The following AK8 variants were observed in gnomAD, a reference collection of about 807,000 sequenced individuals.
AK8 encodes adenylate kinase 8.
Under a neutral mutation model 54.6 loss-of-function variants are expected in AK8, and 44 were observed. The observed-to-expected ratio is 0.81, with a 90% CI of 0.63 to 1.04. The LOEUF (loss-of-function observed/expected upper bound fraction) is 1.04, where lower values mean the gene tolerates loss of function less well. AK8 is among the 50% of genes least tolerant of loss of function. AK8 has a pLI of 0.00. For synonymous variants in AK8, 239 were observed against 245.6 expected (o/e 0.97, Z 0.25); for missense variants, 555 against 613.6 (o/e 0.90, Z 1.01).
chr9:132,845,251 TCA>T (rs1329243362), intron 5 of AK8, among the ~76,000 whole-genome samples: 1 of 152,212 alleles, frequency 6.6e-6, no homozygotes, highest in Admixed American at 6.5e-5. Context: ...TTATAAATAC[TCA>T]GTCAATATAT....
intron 11 of AK8, among the ~76,000 whole-genome samples, chr9:132,753,555 C>A (rs1049530658): frequency 2.6e-5 from 4 of 152,234 alleles, no homozygotes; most frequent in Non-Finnish European, 5.9e-5. Context: ...CTGGACTAAT[C>A]CCCAGGTACT....
chr9:132,766,170 G>A (rs1418290391), intron 11 of AK8, among the ~76,000 whole-genome samples: 3 of 152,208 alleles, frequency 2.0e-5, no homozygotes, highest in African/African-American at 7.2e-5. Flanking sequence ...GGAGTGCAGT[G>A]GTGTGATCAT....
chr9:132,863,732 TC>T lies in AK8; in HGVS notation c.265del (p.Glu89ArgfsTer3). On this transcript the variant is annotated frameshift_variant, in exon 4 of 13. Transcript: ENST00000298545. LOFTEE classifies it high-confidence loss of function. ...KHLNSSLLTL[E>X]NLILNEFSYT... ...GGAAAACTCATTTAAGATCAGGTTC[TC>T]CAGGGTGAGGAGACTGCTGTTCAGA... 6.2e-7 allele frequency: 1 copy of T among 1,614,164 alleles called. No individual in the cohort carries two copies. The highest frequency in any genetic ancestry group is 1.1e-5 in the South Asian group (1 of 91,078).
chr9:132,856,387 G>C (rs899937141), intron 4 of AK8, among the ~76,000 whole-genome samples: 2 of 152,290 alleles, frequency 1.3e-5, no homozygotes, highest in African/African-American at 4.8e-5. Flanking sequence ...ACCTCTTTAG[G>C]CCTCACACAC....
At chr9:132,828,813 G>C (rs1841987349) in intron 5 of AK8, 87 bp from the exon 6 acceptor site, 32 of 1,042,190 alleles carry the variant, frequency 3.1e-5, no homozygotes, top group Non-Finnish European at 4.2e-5. Flanking sequence ...TAGCTTTATA[G>C]AAAGACTAGA....
chr9:132,853,799 A>AAAAAG (rs1382485302), intron 5 of AK8, among the ~76,000 whole-genome samples: 1 of 151,126 alleles, frequency 6.6e-6, no homozygotes, highest in Non-Finnish European at 1.5e-5. Flanking sequence ...AAAAAAAAAA[A>AAAAAG]AAAAAAAAAG....
chr9:132,819,636 A>G (rs1490373061), intron 9 of AK8, among the ~76,000 whole-genome samples: 1 of 152,222 alleles, frequency 6.6e-6, no homozygotes, highest in Non-Finnish European at 1.5e-5. Context: ...ACATAGACGA[A>G]TTTCAAAATT....
Position 132,725,858 on chromosome 9 carries a change from C to T in AK8, c.1270G>A (p.Asp424Asn), listed in dbSNP as rs752879236. 6.2e-7 allele frequency: 1 copy of T among 1,610,578 alleles called. No homozygotes were observed. Among genetic ancestry groups the T allele is most frequent in the Non-Finnish European group, 8.5e-7 (1 of 1,179,008 alleles). The change falls in exon 13 of 13, where the codon GAT (aspartate) becomes AAT (asparagine). Residue 424 changes from aspartate to asparagine, a missense_variant. Physicochemically the swap from Asp to Asn is conservative, Grantham distance 23. Transcript: ENST00000298545. ...TTCAGCTTGACCTGCTCTTCAGCAT[C>T]CTTTGGGTTCTGCAGGAGGCGAGCC... ...IQARLLQNPK[D>N]AEEQVKLKMD...
intron 11 of AK8, among the ~76,000 whole-genome samples, chr9:132,751,521 G>A (rs1346622176): frequency 3.4e-5 from 5 of 148,628 alleles, no homozygotes; most frequent in African/African-American, 1.2e-4. Flanking sequence ...CTCTAGCCAC[G>A]ATGACAGAGT....
intron 2 of AK8, among the ~76,000 whole-genome samples, chr9:132,871,601 C>CT (rs1469004759): frequency 1.3e-5 from 2 of 151,924 alleles, no homozygotes; most frequent in African/African-American, 4.9e-5. Context: ...GGAGGACAGA[C>CT]CCCCCCGGCT....
intron 6 of AK8, 150 bp from the exon 7 acceptor site, chr9:132,828,234 T>A: frequency 1.4e-6 from 1 of 708,650 alleles, no homozygotes; most frequent in Non-Finnish European, 2.3e-6. Context: ...CGTGAATTCC[T>A]AAGAGAAAGG....
At chr9:132,738,875 C>T (rs1837239591) in intron 11 of AK8, among the ~76,000 whole-genome samples, 1 of 150,332 alleles carries the variant, frequency 6.7e-6, no homozygotes, top group Non-Finnish European at 1.5e-5. Flanking sequence ...CCATTTCAGT[C>T]CCCCAAGTAG....
intron 11 of AK8, among the ~76,000 whole-genome samples, chr9:132,728,234 G>A (rs1393711744): frequency 6.6e-6 from 1 of 152,218 alleles, no homozygotes; most frequent in Non-Finnish European, 1.5e-5. Flanking sequence ...GGACAGATGC[G>A]GGACAGCAGG....
At chr9:132,867,635 G>C (rs1045721880) in intron 2 of AK8, among the ~76,000 whole-genome samples, 2 of 152,226 alleles carry the variant, frequency 1.3e-5, no homozygotes, top group African/African-American at 4.8e-5. Context: ...AGCTCTGGTG[G>C]CAGGCCCAGG....
At position 132,828,053 on chromosome 9, in the gene AK8, G is replaced by A. The variant is rs749386096; in HGVS notation, c.516C>T (p.Ile172=). Residue 172 remains isoleucine (I), a synonymous_variant, in exon 7 of 13, where the codon ATC becomes ATT. Coordinates refer to ENST00000298545, the MANE Select transcript of AK8 (RefSeq NM_152572.3). ...CGATTCTCTTCCCCAAGTTTCTCTC[G>A]ATCAGGACCGTGTCTGGAGCACTCA... ...IVLSAPDTVL[I]ERNLGKRIDP... The A allele has an allele frequency of 6.4e-6, 10 of 1,573,094 alleles. No homozygotes were observed. Among genetic ancestry groups the A allele is most frequent in the East Asian group, 2.3e-5 (1 of 43,138 alleles).
intron 10 of AK8, among the ~76,000 whole-genome samples, chr9:132,795,924 C>A (rs1209866687): frequency 6.6e-6 from 1 of 152,122 alleles, no homozygotes; most frequent in Non-Finnish European, 1.5e-5. Flanking sequence ...CATTGTTTAG[C>A]GGTGAGAATT....
intron 10 of AK8, among the ~76,000 whole-genome samples, chr9:132,795,821 T>C (rs1840146707): frequency 6.6e-6 from 1 of 152,176 alleles, no homozygotes; most frequent in South Asian, 2.1e-4. Flanking sequence ...AGGCTGATGG[T>C]TTGACCGGGC....
intron 11 of AK8, among the ~76,000 whole-genome samples, chr9:132,736,251 A>G (rs756266351): frequency 1.3e-5 from 2 of 150,890 alleles, no homozygotes; most frequent in Non-Finnish European, 2.9e-5. Context: ...GAATGGCGCA[A>G]TCTTGGCTCA....
In AK8 at chr9:132,740,920, G is replaced by A. The variant is rs535590374; in HGVS notation, c.1122-13386C>T. ...AGTGTCCAGAAGACTTCTTTGAGGT[G>A]GCATCTGGTGTGTTTGTCCTACTCT... On this transcript the variant is annotated intron_variant, in intron 11 of 12. Coordinates refer to ENST00000298545, the MANE Select transcript of AK8 (RefSeq NM_152572.3). Among the ~76,000 whole-genome samples the A allele has an allele frequency of 2.6e-5, 4 of 152,320 alleles. No homozygotes were observed. The East Asian group carries it at 5.8e-4, about 22-fold the overall frequency.
Sources: gnomAD v4.1 joint callset for allele counts (sites outside exome capture counted in the v4.1 genomes callset) on GRCh38, gnomAD v4.1.1 for gene constraint, MANE v1.5 for transcripts, NCBI Gene and HGNC (gene_info 2026-07-23, HGNC 2026-07-21) for gene names.